Variants in RBM20 observed in about 807,000 individuals in gnomAD.
The protein encoded by RBM20 is RNA binding motif protein 20, also known as RNA-binding protein 20.
Under a neutral mutation model 110.1 loss-of-function variants are expected in RBM20, and 51 were observed. That is an observed-to-expected ratio of 0.46 (90% confidence interval 0.37 to 0.59). The LOEUF (loss-of-function observed/expected upper bound fraction) is 0.59. Among genes scored for constraint, RBM20 ranks in the 20% least tolerant of loss-of-function variants. RBM20 has a pLI of 0.00. For missense variants in RBM20, 1,512 were observed against 1,574.9 expected (o/e 0.96, Z 0.68); for synonymous variants, 589 against 618.2 (o/e 0.95, Z 0.70).
At chr10:110,693,355 G>A (rs996591514) in intron 1 of RBM20, among the ~76,000 whole-genome samples, 4 of 152,138 alleles carry the variant, frequency 2.6e-5, no homozygotes, top group Non-Finnish European at 5.9e-5. Flanking sequence ...TTCTTTAAAT[G>A]TTTGGTAGAA....
At chr10:110,811,538 C>T (rs547042142) in intron 8 of RBM20, among the ~76,000 whole-genome samples, 29 of 152,106 alleles carry the variant, frequency 1.9e-4, no homozygotes, top group Non-Finnish European at 3.8e-4. Flanking sequence ...TGCAATTCTG[C>T]GGCAGAGTGG....
At chr10:110,714,330 A>G (rs1002127736) in intron 1 of RBM20, among the ~76,000 whole-genome samples, 3 of 152,226 alleles carry the variant, frequency 2.0e-5, no homozygotes, top group Non-Finnish European at 4.4e-5. Context: ...ATTGTTTGGC[A>G]GATGTCTCTA....
At chr10:110,645,359 G>A (rs948943536) in intron 1 of RBM20, among the ~76,000 whole-genome samples, 1 of 152,160 alleles carries the variant, frequency 6.6e-6, no homozygotes, top group African/African-American at 2.4e-5. Context: ...GCTTTGTATT[G>A]TTTGTTCTTT....
At chr10:110,722,031 C>T (rs1048571567) in intron 1 of RBM20, among the ~76,000 whole-genome samples, 1 of 152,018 alleles carries the variant, frequency 6.6e-6, no homozygotes, top group Non-Finnish European at 1.5e-5. Flanking sequence ...CTTTTCTCTG[C>T]CTTTGATTAA....
At chr10:110,656,163 G>C (rs753763340) in intron 1 of RBM20, among the ~76,000 whole-genome samples, 1 of 152,082 alleles carries the variant, frequency 6.6e-6, no homozygotes, top group Non-Finnish European at 1.5e-5. Flanking sequence ...TTTGCCGGGC[G>C]TGGTGGTGGG....
intron 1 of RBM20, among the ~76,000 whole-genome samples, chr10:110,706,205 T>G (rs935497683): frequency 1.3e-5 from 2 of 152,224 alleles, no homozygotes; most frequent in Non-Finnish European, 2.9e-5. Flanking sequence ...GCAGTTTGGT[T>G]GTGTAGCTGT....
intron 1 of RBM20, among the ~76,000 whole-genome samples, chr10:110,695,100 A>G (rs892388790): frequency 6.6e-6 from 1 of 152,180 alleles, no homozygotes; most frequent in African/African-American, 2.4e-5. Context: ...TTGTTACGAT[A>G]TCGTCAGGCA....
intron 5 of RBM20, 66 bp from the exon 6 acceptor site, chr10:110,797,442 C>T (rs186664898): frequency 1.1e-4 from 160 of 1,409,704 alleles, no homozygotes; most frequent in African/African-American, 1.1e-3. Context: ...CCATTAAGAA[C>T]GTCTGGAAGA....
chr10:110,663,885 T>A (rs1862141335), intron 1 of RBM20, among the ~76,000 whole-genome samples: 1 of 152,134 alleles, frequency 6.6e-6, no homozygotes, highest in South Asian at 2.1e-4. Flanking sequence ...CTAATATATA[T>A]CCACACACAC....
At chr10:110,682,667 G>C (rs538519585) in intron 1 of RBM20, among the ~76,000 whole-genome samples, 51 of 152,200 alleles carry the variant, frequency 3.4e-4, no homozygotes, top group Non-Finnish European at 6.6e-4. Context: ...TTCCCAAAGA[G>C]GGGATGTGCC....
chr10:110,684,592 C>G (rs1862474426), intron 1 of RBM20, among the ~76,000 whole-genome samples: 1 of 152,114 alleles, frequency 6.6e-6, no homozygotes, highest in African/African-American at 2.4e-5. Flanking sequence ...TAATTTCCAC[C>G]CTCTTTAACT....
chr10:110,663,387 T>A (rs1426877200), intron 1 of RBM20, among the ~76,000 whole-genome samples: 1 of 152,204 alleles, frequency 6.6e-6, no homozygotes, highest in Non-Finnish European at 1.5e-5. Context: ...TATGGAATGA[T>A]CTCCAGGGCG....
chr10:110,753,362 A>G (rs966061082), intron 1 of RBM20, among the ~76,000 whole-genome samples: 3 of 152,130 alleles, frequency 2.0e-5, no homozygotes, highest in African/African-American at 7.2e-5. Flanking sequence ...ATTGTTTTGT[A>G]TTTTAATTCT....
At chr10:110,643,767 A>G (rs911376914), upstream of RBM20, among the ~76,000 whole-genome samples, 3 of 152,220 alleles carry the variant, frequency 2.0e-5, no homozygotes, top group Admixed American at 1.3e-4. Flanking sequence ...CTGGGTTACA[A>G]TACAAGTCTG....
At chr10:110,806,798 C>T (rs1844701086) in intron 7 of RBM20, among the ~76,000 whole-genome samples, 1 of 152,224 alleles carries the variant, frequency 6.6e-6, no homozygotes, top group Non-Finnish European at 1.5e-5. Flanking sequence ...ACTCTTTTCT[C>T]TCCCATTTCA....
intron 1 of RBM20, among the ~76,000 whole-genome samples, chr10:110,667,551 G>A (rs1469115637): frequency 6.6e-6 from 1 of 152,190 alleles, no homozygotes; most frequent in Non-Finnish European, 1.5e-5. Context: ...AGATTGGAAG[G>A]AAAAGGTGAA....
intron 1 of RBM20, among the ~76,000 whole-genome samples, chr10:110,771,207 A>G (rs1844183970): frequency 6.6e-6 from 1 of 151,924 alleles, no homozygotes; most frequent in Middle Eastern, 3.4e-3. Context: ...CCCAGGCTGG[A>G]GTGCAGTGGT....
intron 12 of RBM20, among the ~76,000 whole-genome samples, chr10:110,826,999 G>A (rs183688254): frequency 7.2e-5 from 11 of 152,108 alleles, no homozygotes; most frequent in African/African-American, 2.4e-4. Flanking sequence ...TTTTCAGTTC[G>A]GGGCCTTTAC....
chr10:110,833,352 G>A (rs1845080253), intron 13 of RBM20, among the ~76,000 whole-genome samples: 1 of 128,984 alleles, frequency 7.8e-6, no homozygotes, highest in South Asian at 2.6e-4. Flanking sequence ...TCACATCATT[G>A]CTCTCCAGCC....
Sources: gnomAD v4.1 joint callset for allele counts (sites outside exome capture counted in the v4.1 genomes callset) on GRCh38, gnomAD v4.1.1 for gene constraint, MANE v1.5 for transcripts, NCBI Gene and HGNC (gene_info 2026-07-23, HGNC 2026-07-21) for gene names.